The following OSBPL1A variants were observed in gnomAD, a reference collection of about 807,000 sequenced individuals.
The protein encoded by OSBPL1A is oxysterol binding protein like 1A.
OSBPL1A carries 80 observed loss-of-function variants against 137.1 expected under a neutral mutation model. That is an observed-to-expected ratio of 0.58 (90% CI 0.49 to 0.70). OSBPL1A has a LOEUF of 0.70. OSBPL1A is among the 30% of genes least tolerant of loss of function. The pLI, the probability that OSBPL1A is intolerant of heterozygous loss-of-function variation, is 0.00. For missense variants in OSBPL1A, 970 were observed against 1,129.4 expected (o/e 0.86, Z 2.02); for synonymous variants, 365 against 389.7 (o/e 0.94, Z 0.75).
At chr18:24,311,708 C>T (rs1019120548) in intron 13 of OSBPL1A, among the ~76,000 whole-genome samples, 7 of 152,176 alleles carry the variant, frequency 4.6e-5, no homozygotes, top group Admixed American at 2.6e-4. Context: ...AACAAAATGA[C>T]GGTCTGTTAA....
At chr18:24,288,069 G>A (rs1225719103) in intron 14 of OSBPL1A, among the ~76,000 whole-genome samples, 1 of 152,228 alleles carries the variant, frequency 6.6e-6, no homozygotes, top group Non-Finnish European at 1.5e-5. Flanking sequence ...GAAACAGGAA[G>A]CATTACATTA....
intron 15 of OSBPL1A, among the ~76,000 whole-genome samples, chr18:24,246,785 T>C (rs2088904836): frequency 9.8e-6 from 1 of 101,854 alleles, no homozygotes; most frequent in African/African-American, 4.0e-5. Flanking sequence ...AGTGAGACTC[T>C]GTCTCCCAAA....
chr18:24,171,691 C>T (rs1290497692), intron 22 of OSBPL1A, among the ~76,000 whole-genome samples, 193 bp from the exon 23 acceptor site: 1 of 152,098 alleles, frequency 6.6e-6, no homozygotes, highest in Non-Finnish European at 1.5e-5. Flanking sequence ...ATGTGAGGGG[C>T]AGAAAGAATA....
At chr18:24,382,448 G>A (rs1000341469) in intron 1 of OSBPL1A, among the ~76,000 whole-genome samples, 3 of 150,698 alleles carry the variant, frequency 2.0e-5, no homozygotes, top group Non-Finnish European at 3.0e-5. Context: ...ATAGTGGTGT[G>A]AGCCTGTAGT....
Position 24,251,166 on chromosome 18 carries a change from T to A in OSBPL1A, c.1282-11784A>T, listed in dbSNP as rs562217240. ...TCCCAGAAAACATCTCTGGACCTATTTGGGGCCTGGGGAAACTTGTCACCC... is the reference window on the plus strand; with the variant it reads ...TCCCAGAAAACATCTCTGGACCTATATGGGGCCTGGGGAAACTTGTCACCC... On this transcript the variant is annotated intron_variant, in intron 15 of 27. Transcript: ENST00000319481. 5.3e-5 allele frequency among the ~76,000 whole-genome samples: 8 copies of A among 152,296 alleles called. 1 individual carries two copies. Among genetic ancestry groups the A allele is most frequent in the African/African-American group, 1.9e-4 (8 of 41,556 alleles).
intron 4 of OSBPL1A, among the ~76,000 whole-genome samples, chr18:24,359,605 C>T (rs988598452): frequency 2.6e-5 from 4 of 151,554 alleles, no homozygotes; most frequent in African/African-American, 4.9e-5. Context: ...TGTGCCCAGA[C>T]GTTCAAGGCT....
At chr18:24,225,284 C>A in intron 16 of OSBPL1A, 86 bp from the exon 17 acceptor site, 1 of 1,441,458 alleles carries the variant, frequency 6.9e-7, no homozygotes, top group Non-Finnish European at 9.6e-7. Context: ...ATGCCTCAGG[C>A]TTTGAAACCT....
At chr18:24,301,999 C>A (rs1020465626) in intron 14 of OSBPL1A, among the ~76,000 whole-genome samples, 1 of 152,054 alleles carries the variant, frequency 6.6e-6, no homozygotes, top group Non-Finnish European at 1.5e-5. Context: ...GAGGCCAACG[C>A]GGGTGGATCA....
intron 13 of OSBPL1A, chr18:24,311,502 A>G (rs1477564900): frequency 4.1e-6 from 4 of 986,496 alleles, no homozygotes; most frequent in Non-Finnish European, 4.8e-6. Flanking sequence ...ACTTCAGAAG[A>G]CTTCTCCATT....
chr18:24,396,100 T>G (rs1907723383), intron 1 of OSBPL1A, among the ~76,000 whole-genome samples: 1 of 151,542 alleles, frequency 6.6e-6, no homozygotes, highest in Admixed American at 6.6e-5. Flanking sequence ...GTGCTTGTAA[T>G]CCCAGCTACT....
intron 15 of OSBPL1A, among the ~76,000 whole-genome samples, 198 bp from the exon 16 acceptor site, chr18:24,239,580 A>G (rs1006032482): frequency 2.0e-5 from 3 of 152,224 alleles, no homozygotes; most frequent in African/African-American, 7.2e-5. Context: ...TTTTCTGGCA[A>G]CAGCTTAGCT....
At position 24,293,125 on chromosome 18, in the gene OSBPL1A, A is replaced by AAAAAAAAAAAAAAAAAAAAG. The variant is rs200624581; in HGVS notation, c.1174+10511_1174+10512insCTTTTTTTTTTTTTTTTTTT. 1.2e-3 allele frequency among the ~76,000 whole-genome samples: 96 copies of AAAAAAAAAAAAAAAAAAAAG among 82,040 alleles called. 3 individuals are homozygous for AAAAAAAAAAAAAAAAAAAAG. Among genetic ancestry groups the AAAAAAAAAAAAAAAAAAAAG allele is most frequent in the Non-Finnish European group, 2.2e-3 (76 of 34,992 alleles). 53.8% of individuals were successfully genotyped at this position (82,040 alleles called of 152,430 possible). ...GTCTCAAAAAAAAAAAAAAAAAAAA[A>AAAAAAAAAAAAAAAAAAAAG]AAAGAAAAGAAAAGAAAAAATTAAA... On this transcript the variant is annotated intron_variant, in intron 14 of 27. Transcript: ENST00000319481.
At chr18:24,172,613 T>C (rs1374153744) in intron 21 of OSBPL1A, 130 bp from the exon 22 acceptor site, 2 of 571,042 alleles carry the variant, frequency 3.5e-6, no homozygotes, top group Non-Finnish European at 6.0e-6. Flanking sequence ...TCTAAGCCTT[T>C]AAAAATTCTA....
chr18:24,348,784 A>G (rs970335443), intron 4 of OSBPL1A, among the ~76,000 whole-genome samples: 2 of 152,102 alleles, frequency 1.3e-5, no homozygotes, highest in African/African-American at 4.8e-5. Context: ...AAAAGAAAAA[A>G]AAGAAAAAAG....
intron 1 of OSBPL1A, among the ~76,000 whole-genome samples, chr18:24,390,028 G>A (rs1246907140): frequency 6.6e-6 from 1 of 152,028 alleles, no homozygotes; most frequent in African/African-American, 2.4e-5. Context: ...TCAACAATAA[G>A]AGCCAATTCA....
At chr18:24,284,929 G>T (rs938305106) in intron 14 of OSBPL1A, among the ~76,000 whole-genome samples, 1 of 152,216 alleles carries the variant, frequency 6.6e-6, no homozygotes, top group African/African-American at 2.4e-5. Flanking sequence ...GAGAATGGGT[G>T]CAGTGGCTCA....
chr18:24,357,111 T>C (rs2146180236), intron 4 of OSBPL1A: 1 of 152,208 alleles, frequency 6.6e-6, no homozygotes, highest in Admixed American at 6.5e-5. Context: ...TCAAGAAAAA[T>C]GATGAGACAA....
At chr18:24,217,416 C>T (rs912550348) in intron 17 of OSBPL1A, among the ~76,000 whole-genome samples, 2 of 152,032 alleles carry the variant, frequency 1.3e-5, no homozygotes, top group African/African-American at 2.4e-5. Flanking sequence ...CGCCACCACG[C>T]CCAGCTAATT....
At chr18:24,328,687 T>C (rs1216139289) in intron 7 of OSBPL1A, among the ~76,000 whole-genome samples, 1 of 152,136 alleles carries the variant, frequency 6.6e-6, no homozygotes, top group Non-Finnish European at 1.5e-5. Flanking sequence ...TCATTATGTG[T>C]AGAGCTGCAC....
Sources: gnomAD v4.1 joint callset for allele counts (sites outside exome capture counted in the v4.1 genomes callset) on GRCh38, gnomAD v4.1.1 for gene constraint, MANE v1.5 for transcripts, NCBI Gene and HGNC (gene_info 2026-07-23, HGNC 2026-07-21) for gene names.